The following GPC5 variants were observed in gnomAD, a reference collection of about 807,000 sequenced individuals.
GPC5 encodes the protein glypican-5.
A neutral mutation model predicts 53.9 loss-of-function variants in GPC5; 47 were observed. The ratio of observed to expected loss-of-function variants is 0.87; its 90% confidence interval spans 0.69 to 1.11. GPC5 has a LOEUF of 1.11. Ranked by LOEUF, GPC5 falls within the 50% of genes most tolerant of loss-of-function variation. The probability of loss-of-function intolerance (pLI) is 0.00; values close to 1 mark genes in which losing one functional copy is unlikely to be tolerated. For synonymous variants in GPC5, 286 were observed against 263.3 expected (o/e 1.09, Z -0.84); for missense variants, 748 against 713.1 (o/e 1.05, Z -0.56).
At position 92,434,907 on chromosome 13, in the gene GPC5, T is replaced by C. The variant is rs955053263; in HGVS notation, c.1561+289918T>C. Among the ~76,000 whole-genome samples the C allele has an allele frequency of 4.6e-5, 7 of 152,158 alleles. 1 individual carries two copies. Among genetic ancestry groups the C allele is most frequent in the Non-Finnish European group, 8.8e-5 (6 of 68,028 alleles). ...TTTGCTATCAATATAACCATTAAAC[T>C]AATTTGTCCAACTAATATTTTTTTT... On this transcript the variant is annotated intron_variant, in intron 7 of 7. Transcript: ENST00000377067.
intron 2 of GPC5, among the ~76,000 whole-genome samples, chr13:91,588,703 G>T (rs985373693): frequency 6.6e-6 from 1 of 152,088 alleles, no homozygotes; most frequent in African/African-American, 2.4e-5. Context: ...TGCTAGACTT[G>T]TGCTCTTGAT....
At chr13:92,192,648 A>G (rs2042230753) in intron 7 of GPC5, among the ~76,000 whole-genome samples, 1 of 152,158 alleles carries the variant, frequency 6.6e-6, no homozygotes, top group Non-Finnish European at 1.5e-5. Flanking sequence ...TGTCTATTGG[A>G]GAGAACAGTG....
At chr13:92,437,936 G>A (rs1198366100) in intron 7 of GPC5, among the ~76,000 whole-genome samples, 1 of 152,058 alleles carries the variant, frequency 6.6e-6, no homozygotes, top group African/African-American at 2.4e-5. Flanking sequence ...ATTACAGTGG[G>A]CCCACATGGA....
At chr13:91,579,373 T>C (rs945660710) in intron 2 of GPC5, among the ~76,000 whole-genome samples, 1 of 152,178 alleles carries the variant, frequency 6.6e-6, no homozygotes, top group South Asian at 2.1e-4. Context: ...ACTTTACCCA[T>C]GTGTGTAACT....
intron 7 of GPC5, among the ~76,000 whole-genome samples, chr13:92,530,997 G>A (rs74350669): frequency 0.01 from 1,556 of 152,222 alleles, 26 homozygotes; most frequent in African/African-American, 0.036. Flanking sequence ...GCAAAAGCCC[G>A]AATACTGAGC....
chr13:92,367,332 G>T (rs1024351478), intron 7 of GPC5, among the ~76,000 whole-genome samples: 9 of 152,098 alleles, frequency 5.9e-5, no homozygotes, highest in Admixed American at 5.9e-4. Flanking sequence ...TAAGCATGAT[G>T]CTTTCCTTTA....
At chr13:92,865,858 C>T (rs891970177) in intron 7 of GPC5, among the ~76,000 whole-genome samples, 1 of 152,118 alleles carries the variant, frequency 6.6e-6, no homozygotes, top group Non-Finnish European at 1.5e-5. Context: ...AGAAATTCTA[C>T]TTTTAAAAAA....
chr13:92,064,756 C>CAAAAAAAAAAAAAAAAAAACAA (rs1175120330), intron 6 of GPC5, among the ~76,000 whole-genome samples: 3 of 33,644 alleles, frequency 8.9e-5, no homozygotes, highest in African/African-American at 1.2e-4. Context: ...GACTCCGTCT[C>CAAAAAAAAAAAAAAAAAAACAA]AAAAAAAAAA....
chr13:92,729,577 T>C (rs909696211), intron 7 of GPC5, among the ~76,000 whole-genome samples: 3 of 151,454 alleles, frequency 2.0e-5, no homozygotes, highest in Admixed American at 1.3e-4. Context: ...TGTTTTCCTA[T>C]ACAGCTCTGC....
chr13:92,393,128 T>C (rs1594163299), intron 7 of GPC5, among the ~76,000 whole-genome samples: 1 of 152,310 alleles, frequency 6.6e-6, no homozygotes, highest in African/African-American at 2.4e-5. Flanking sequence ...TATTCACAAT[T>C]GCAAAGATAT....
intron 2 of GPC5, among the ~76,000 whole-genome samples, chr13:91,463,267 G>A (rs1012773566): frequency 1.3e-5 from 2 of 152,098 alleles, no homozygotes; most frequent in Non-Finnish European, 2.9e-5. Flanking sequence ...TTGGTGTGTG[G>A]CAAATTCAAG....
In GPC5 at chr13:91,553,854, A is replaced by ATTAAGGAG. The variant is rs576005507; in HGVS notation, c.325+104934_325+104941dup. Among the ~76,000 whole-genome samples, 61 of 152,212 alleles carry ATTAAGGAG rather than the reference A, an allele frequency of 4.0e-4. No homozygotes were observed. The East Asian group carries it at 7.7e-3, about 19-fold the overall frequency. Reference sequence around the variant, plus strand: ...CAGTTTGATTTTTAAGAAGAGTGAAATTAAGGAGTATATATTTAATATAGC... The same window carrying ATTAAGGAG: ...CAGTTTGATTTTTAAGAAGAGTGAAATTAAGGAGTTAAGGAGTATATATTTAATATAGC... On this transcript the variant is annotated intron_variant, in intron 2 of 7. Transcript: ENST00000377067.
At chr13:92,054,987 C>T (rs962935477) in intron 6 of GPC5, among the ~76,000 whole-genome samples, 3 of 152,068 alleles carry the variant, frequency 2.0e-5, no homozygotes, top group African/African-American at 7.2e-5. Flanking sequence ...TATAAAAAGG[C>T]CAATCACAAT....
At chr13:92,560,761 G>A (rs1441542522) in intron 7 of GPC5, among the ~76,000 whole-genome samples, 1 of 151,770 alleles carries the variant, frequency 6.6e-6, no homozygotes, top group Admixed American at 6.6e-5. Flanking sequence ...CATTCTTAAG[G>A]CAAAGGAAAG....
intron 5 of GPC5, among the ~76,000 whole-genome samples, chr13:91,841,603 T>C (rs1334614981): frequency 6.6e-6 from 1 of 151,950 alleles, no homozygotes; most frequent in Non-Finnish European, 1.5e-5. Context: ...AGGTGGCCAA[T>C]GAATAACATT....
intron 6 of GPC5, among the ~76,000 whole-genome samples, chr13:92,125,583 AAG>A (rs1008838821): frequency 6.6e-6 from 1 of 152,122 alleles, no homozygotes; most frequent in African/African-American, 2.4e-5. Context: ...GGGAGGGGGA[AAG>A]AGAAAAGGAG....
intron 3 of GPC5, among the ~76,000 whole-genome samples, chr13:91,698,347 A>G (rs1392606219): frequency 6.6e-6 from 1 of 152,188 alleles, no homozygotes; most frequent in Non-Finnish European, 1.5e-5. Flanking sequence ...GAATTGTATA[A>G]TATATACTAA....
intron 7 of GPC5, chr13:92,484,584 G>A (rs1879484003): frequency 6.6e-6 from 1 of 152,058 alleles, no homozygotes; most frequent in Non-Finnish European, 1.5e-5. Flanking sequence ...CCAGGCAATA[G>A]GAATCTTTCA....
At chr13:92,599,215 T>C (rs929668546) in intron 7 of GPC5, among the ~76,000 whole-genome samples, 7 of 152,222 alleles carry the variant, frequency 4.6e-5, no homozygotes, top group African/African-American at 1.7e-4. Context: ...TACAGACTTA[T>C]AGGCAGATGA....
Sources: allele counts gnomAD v4.1 joint callset (sites outside exome capture counted in the v4.1 genomes callset), GRCh38; gene constraint gnomAD v4.1.1; transcripts MANE v1.5; gene names NCBI Gene and HGNC (gene_info 2026-07-23, HGNC 2026-07-21).